Variants in PTPN5 observed in about 807,000 individuals in gnomAD.
The protein encoded by PTPN5 is tyrosine-protein phosphatase non-receptor type 5.
Under a neutral mutation model 73.9 loss-of-function variants are expected in PTPN5, and 29 were observed. That is an observed-to-expected ratio of 0.39 (90% CI 0.29 to 0.54). The LOEUF is 0.54. Ranked by LOEUF, PTPN5 falls within the 20% of genes least tolerant of loss-of-function variation. PTPN5 has a pLI of 0.65. For missense variants in PTPN5, 652 were observed against 751.4 expected, an observed-to-expected ratio of 0.87 and a Z score of 1.55; for synonymous variants, 267 against 304.7, an observed-to-expected ratio of 0.88 and a Z score of 1.29.
At chr11:18,776,014 C>T (rs1000408429) in intron 1 of PTPN5, among the ~76,000 whole-genome samples, 1 of 152,156 alleles carries the variant, frequency 6.6e-6, no homozygotes, top group Non-Finnish European at 1.5e-5. Flanking sequence ...AATGGTGCGG[C>T]GGTCACGGAC....
Position 18,736,657 on chromosome 11 carries a change from C to T in PTPN5, c.1000+1223G>A, listed in dbSNP as rs372327135. On this transcript the variant is annotated intron_variant, in intron 9 of 14. Transcript: ENST00000358540. ...AGTCTCTGAGGGCACAGGCTCCATTCTTGCTGGACACAGACAAGATTCTTT... is the reference window on the plus strand; with the variant it reads ...AGTCTCTGAGGGCACAGGCTCCATTTTTGCTGGACACAGACAAGATTCTTT... 2.8e-4 allele frequency among the ~76,000 whole-genome samples: 42 copies of T among 152,330 alleles called. 1 individual carries two copies. The East Asian group carries it at 6.8e-3, about 25-fold the overall frequency.
intron 1 of PTPN5, among the ~76,000 whole-genome samples, chr11:18,772,375 G>A (rs1303137940): frequency 6.6e-6 from 1 of 152,204 alleles, no homozygotes; most frequent in Non-Finnish European, 1.5e-5. Context: ...AATAGGCTCT[G>A]AGCCCAGGAC....
chr11:18,739,019 T>C (rs571232243), intron 8 of PTPN5, among the ~76,000 whole-genome samples: 15 of 150,858 alleles, frequency 9.9e-5, no homozygotes, highest in Non-Finnish European at 1.9e-4. Flanking sequence ...TGTCTCCTCC[T>C]GACATCTTCC....
chr11:18,769,860 ATGGG>A (rs1850798782), intron 2 of PTPN5, among the ~76,000 whole-genome samples: 1 of 152,152 alleles, frequency 6.6e-6, no homozygotes, highest in Non-Finnish European at 1.5e-5. Flanking sequence ...GGAGCAGCAG[ATGGG>A]GGCTAGGCCT....
chr11:18,742,773 C>G lies in PTPN5; in HGVS notation c.483+219G>C, dbSNP rs1250105839. Among the ~76,000 whole-genome samples, 3 of 152,212 alleles carry G rather than the reference C, an allele frequency of 2.0e-5. No homozygotes were observed. The highest frequency in any genetic ancestry group is 2.0e-4 in the Admixed American group (3 of 15,292). ...TTGGGAGTTCCTACACCAGTCTTCT[C>G]CCTGTCTCATCCCCTTTCCTTAGCC... On this transcript the variant is annotated intron_variant, in intron 6 of 14. Coordinates refer to ENST00000358540, the MANE Select transcript of PTPN5 (RefSeq NM_006906.2). The surrounding 1 kb of genome is among the most constrained non-coding windows in gnomAD (Gnocchi z 4.1).
At chr11:18,779,658 GC>G (rs1171341786) in intron 1 of PTPN5, among the ~76,000 whole-genome samples, 1 of 152,162 alleles carries the variant, frequency 6.6e-6, no homozygotes, top group African/African-American at 2.4e-5. Context: ...CTTTCCCTGT[GC>G]CAGTGGACAG....
At chr11:18,777,924 T>G (rs75955961) in intron 1 of PTPN5, among the ~76,000 whole-genome samples, 5,142 of 151,154 alleles carry the variant, frequency 0.034, 143 homozygotes, top group African/African-American at 0.079. Context: ...CAGCCCAGCT[T>G]ACAGGGCGAG....
At chr11:18,774,882 TGAGA>T (rs1211354386) in intron 1 of PTPN5, among the ~76,000 whole-genome samples, 1 of 152,152 alleles carries the variant, frequency 6.6e-6, no homozygotes, top group Non-Finnish European at 1.5e-5. Flanking sequence ...GGAGGTGATC[TGAGA>T]GAGAAAGGAA....
chr11:18,728,277 C>T lies in PTPN5; in HGVS notation c.*657G>A, dbSNP rs956421324. 2 of 152,342 alleles carry T rather than the reference C, an allele frequency of 1.3e-5. No individual in the cohort carries two copies. Among genetic ancestry groups the T allele is most frequent in the African/African-American group, 4.8e-5 (2 of 41,444 alleles). The allele number at this position is 152,342 out of a possible 1,614,324, so 9.4% of individuals were successfully genotyped here. A position where few individuals can be genotyped will look rare whatever the true frequency, so the allele number is the denominator to read the frequency against. ...ACAGGGCCTAGATCCTCTGGGTTCT[C>T]CATGCCCCATCTGCCCCCTACCTTG... On this transcript the variant is annotated 3_prime_UTR_variant, in exon 15 of 15. Transcript: ENST00000358540. This position sits in a 1 kb window ranked among gnomAD's most constrained non-coding sequence, Gnocchi z 4.1.
chr11:18,771,792 G>T, intron 2 of PTPN5, 147 bp downstream of exon 2: 1 of 689,862 alleles, frequency 1.4e-6, no homozygotes, highest in Non-Finnish European at 2.5e-6. Context: ...GCAGGCAGGG[G>T]CAGAGGGCAT....
intron 1 of PTPN5, among the ~76,000 whole-genome samples, chr11:18,777,663 A>C (rs1009264603): frequency 6.6e-6 from 1 of 152,046 alleles, no homozygotes; most frequent in East Asian, 1.9e-4. Context: ...AGAATAATGT[A>C]GGCCAGGCAT....
intron 3 of PTPN5, among the ~76,000 whole-genome samples, chr11:18,764,075 T>C (rs1850520696): frequency 6.6e-6 from 1 of 152,212 alleles, no homozygotes; most frequent in Non-Finnish European, 1.5e-5. Context: ...AACTGTTTAA[T>C]AGTTGAAGGG....
intron 12 of PTPN5, chr11:18,730,156 C>A: frequency 2.1e-6 from 1 of 475,710 alleles, no homozygotes; most frequent in Non-Finnish European, 3.7e-6. Flanking sequence ...CCCAGTCATC[C>A]CTTTGTCACA....
chr11:18,730,221 G>A (rs1034866012), intron 12 of PTPN5: 6 of 387,636 alleles, frequency 1.5e-5, no homozygotes, highest in South Asian at 1.7e-4. Context: ...CTGCGCCTGC[G>A]TGACTCGCCT....
At chr11:18,765,045 G>C (rs1233994608) in intron 3 of PTPN5, among the ~76,000 whole-genome samples, 1 of 152,150 alleles carries the variant, frequency 6.6e-6, no homozygotes, top group Non-Finnish European at 1.5e-5. Flanking sequence ...ATGTTCAGAA[G>C]GAGAGATATG....
intron 3 of PTPN5, 86 bp downstream of exon 3, chr11:18,765,721 T>C: frequency 2.2e-6 from 2 of 894,144 alleles, no homozygotes; most frequent in Non-Finnish European, 3.7e-6. Context: ...CACAGCTAGC[T>C]AGGCTTTACT....
chr11:18,736,569 C>T (rs552341219), intron 9 of PTPN5, among the ~76,000 whole-genome samples: 3 of 152,304 alleles, frequency 2.0e-5, no homozygotes, highest in African/African-American at 4.8e-5. Context: ...CAAACCTCAG[C>T]GCGTCCTGGA....
At chr11:18,782,400 G>A (rs765937463) in intron 1 of PTPN5, among the ~76,000 whole-genome samples, 1 of 152,016 alleles carries the variant, frequency 6.6e-6, no homozygotes, top group Non-Finnish European at 1.5e-5. Context: ...GCTAATTTTT[G>A]TATTTTTAGT....
chr11:18,742,515 G>A lies in PTPN5; in HGVS notation c.484-12C>T, dbSNP rs75468514. 1.4e-5 allele frequency: 22 copies of A among 1,611,952 alleles called. No individual in the cohort carries two copies. In the East Asian group the frequency reaches 3.8e-4, roughly 28 times the overall value. ...AGGAGGTGCCACACCTGGTTGGGGT[G>A]TACAGCATCACAGATTTCGGACCAC... On this transcript the variant is annotated splice_polypyrimidine_tract_variant and intron_variant, in intron 6 of 14. Coordinates refer to ENST00000358540, the MANE Select transcript of PTPN5 (RefSeq NM_006906.2). The surrounding 1 kb of genome is among the most constrained non-coding windows in gnomAD (Gnocchi z 4.1).
Sources: gnomAD v4.1 joint callset for allele counts (sites outside exome capture counted in the v4.1 genomes callset) on GRCh38, gnomAD v4.1.1 for gene constraint, Gnocchi (gnomAD v3.1) non-coding constraint, MANE v1.5 for transcripts, NCBI Gene and HGNC (gene_info 2026-07-23, HGNC 2026-07-21) for gene names.